The following CACNA2D1 variants were observed in gnomAD, a reference collection of about 807,000 sequenced individuals.
The protein encoded by CACNA2D1 is calcium voltage-gated channel auxiliary subunit alpha2delta 1.
Under a neutral mutation model 171.5 loss-of-function variants are expected in CACNA2D1, and 53 were observed. The ratio of observed to expected loss-of-function variants is 0.31; its 90% CI spans 0.25 to 0.39. The LOEUF (loss-of-function observed/expected upper bound fraction) is 0.39. CACNA2D1 is among the 10% of genes least tolerant of loss of function. The probability of loss-of-function intolerance (pLI) is 1.00; values close to 1 mark genes in which losing one functional copy is unlikely to be tolerated. For synonymous variants in CACNA2D1, 442 were observed against 443.1 expected, an observed-to-expected ratio of 1.00 and a Z score of 0.03; for missense variants, 903 against 1,299.8, an observed-to-expected ratio of 0.69 and a Z score of 4.69.
At chr7:82,204,423 G>C (rs1488016191) in intron 3 of CACNA2D1, among the ~76,000 whole-genome samples, 2 of 152,214 alleles carry the variant, frequency 1.3e-5, no homozygotes, top group Non-Finnish European at 2.9e-5. Flanking sequence ...CAGGTATGCG[G>C]ATGAACGGTA....
intron 4 of CACNA2D1, among the ~76,000 whole-genome samples, chr7:82,162,640 CTT>C (rs1611038): frequency 0.13 from 19,868 of 151,858 alleles, 1,595 homozygotes; most frequent in African/African-American, 0.24. Flanking sequence ...TTTTAAGAGA[CTT>C]TAAGTTTAAA....
chr7:82,353,679 T>C (rs997568975), intron 1 of CACNA2D1, among the ~76,000 whole-genome samples: 1 of 152,002 alleles, frequency 6.6e-6, no homozygotes, highest in East Asian at 1.9e-4. Context: ...GGGAGAAGTT[T>C]CCAAAGAGAA....
At chr7:82,376,203 A>G (rs1823000186) in intron 1 of CACNA2D1, among the ~76,000 whole-genome samples, 1 of 152,182 alleles carries the variant, frequency 6.6e-6, no homozygotes, top group Admixed American at 6.5e-5. Context: ...CTTTTAATGG[A>G]TATTTATCCG....
At position 82,060,202 on chromosome 7, in the gene CACNA2D1, TA is replaced by T. The variant is rs1806602055; in HGVS notation, c.879+225del. ...TAATATATATATATTATATATATAT[TA>T]TATATATAATATATATATAATATAT... On this transcript the variant is annotated intron_variant, in intron 10 of 38. Transcript: ENST00000356860. 5.1e-4 allele frequency among the ~76,000 whole-genome samples: 5 copies of T among 9,878 alleles called. 2 individuals carry two copies. The South Asian group carries it at 0.029, about 56-fold the overall frequency. 6.5% of individuals were successfully genotyped at this position (9,878 alleles called of 152,430 possible).
rs1792069102 is a variant in CACNA2D1 at position 81,946,597 on chromosome 7, G to C, written c.*3795C>G. 6.6e-6 allele frequency: 1 copy of C among 152,026 alleles called. No homozygotes were observed. The highest frequency in any genetic ancestry group is 2.1e-4 in the South Asian group (1 of 4,828). 9.4% of individuals were successfully genotyped at this position (152,026 alleles called of 1,614,324 possible). On this transcript the variant is annotated 3_prime_UTR_variant, in exon 39 of 39. Transcript: ENST00000356860. ...TAGGTAATTTTCACAAAAGTGTCAA[G>C]AGAACAAAATAAAGGGGAGAAAAGA... is the stretch of plus-strand genomic sequence containing the variant.
At chr7:82,293,281 T>C (rs2129418017) in intron 3 of CACNA2D1, among the ~76,000 whole-genome samples, 1 of 152,328 alleles carries the variant, frequency 6.6e-6, no homozygotes, top group Non-Finnish European at 1.5e-5. Flanking sequence ...CTCTGTTTTT[T>C]GCTTTTGTCT....
intron 38 of CACNA2D1, among the ~76,000 whole-genome samples, chr7:81,952,651 G>C (rs894463475): frequency 6.6e-6 from 1 of 151,858 alleles, no homozygotes; most frequent in Non-Finnish European, 1.5e-5. Flanking sequence ...TCTCTCCTTG[G>C]CTTGACCTCC....
intron 1 of CACNA2D1, among the ~76,000 whole-genome samples, chr7:82,379,109 G>T (rs1445811107): frequency 6.6e-6 from 1 of 152,090 alleles, no homozygotes; most frequent in Non-Finnish European, 1.5e-5. Flanking sequence ...TGAGAGAGGG[G>T]ACTGGGAGAA....
chr7:82,391,907 T>C (rs1464868733), intron 1 of CACNA2D1, among the ~76,000 whole-genome samples: 1 of 152,212 alleles, frequency 6.6e-6, no homozygotes, highest in Non-Finnish European at 1.5e-5. Context: ...TGACATAAAC[T>C]TTCCTATTTC....
rs893241120 is a variant in CACNA2D1 at position 82,291,672 on chromosome 7, T to A, written c.294+43463A>T. Reference sequence around the variant, plus strand: ...GTGCATATATATATATTTTTTTTTCTTTTTTTTCTTTTTGTAGAGACGTGG... The same window carrying A: ...GTGCATATATATATATTTTTTTTTCATTTTTTTCTTTTTGTAGAGACGTGG... On this transcript the variant is annotated intron_variant, in intron 3 of 38. Coordinates refer to ENST00000356860, the MANE Select transcript of CACNA2D1 (RefSeq NM_000722.4). 2.9e-3 allele frequency among the ~76,000 whole-genome samples: 418 copies of A among 146,416 alleles called. 4 individuals are homozygous for A. The East Asian group carries it at 0.04, about 14-fold the overall frequency.
chr7:82,183,774 G>T (rs1797381958), intron 3 of CACNA2D1, among the ~76,000 whole-genome samples: 2 of 151,726 alleles, frequency 1.3e-5, no homozygotes, highest in South Asian at 4.1e-4. Flanking sequence ...AAATAGGTAT[G>T]TATGACTGTG....
At chr7:82,033,254 G>A (rs1802928967) in intron 11 of CACNA2D1, among the ~76,000 whole-genome samples, 1 of 151,540 alleles carries the variant, frequency 6.6e-6, no homozygotes, top group South Asian at 2.1e-4. Flanking sequence ...TTATTTTCTT[G>A]TTTGTTTATT....
chr7:82,385,278 G>T (rs1465875033), intron 1 of CACNA2D1, among the ~76,000 whole-genome samples: 1 of 152,208 alleles, frequency 6.6e-6, no homozygotes, highest in East Asian at 1.9e-4. Flanking sequence ...AATTGAAATG[G>T]ATCATAACTT....
At chr7:82,333,969 A>G (rs1425163975) in intron 3 of CACNA2D1, among the ~76,000 whole-genome samples, 1 of 152,192 alleles carries the variant, frequency 6.6e-6, no homozygotes, top group Non-Finnish European at 1.5e-5. Flanking sequence ...TGACTTTGCA[A>G]TAAAATTAAG....
Position 81,961,898 on chromosome 7 carries a change from AAC to A in CACNA2D1, c.2960_2961del (p.Cys987PhefsTer20). ...CTCCTGAAATAAATAAATTACCTGGAACAGTTTCCACAGTCTAATACACCACT... is the reference window on the plus strand; with the variant it reads ...CTCCTGAAATAAATAAATTACCTGGAAGTTTCCACAGTCTAATACACCACT... ...SFSGVLDCGN[C>X]SRIFHGEKLM... is the part of the protein sequence containing the mutation. On this transcript the variant is annotated frameshift_variant, in exon 36 of 39. Transcript: ENST00000356860. LOFTEE classifies it high-confidence loss of function. 1 of 1,607,130 alleles carries A rather than the reference AAC, an allele frequency of 6.2e-7. No individual in the cohort carries two copies. Among genetic ancestry groups the A allele is most frequent in the Non-Finnish European group, 8.5e-7 (1 of 1,174,194 alleles).
chr7:82,123,825 T>C (rs1453781090), intron 5 of CACNA2D1, among the ~76,000 whole-genome samples: 1 of 152,204 alleles, frequency 6.6e-6, no homozygotes, highest in African/African-American at 2.4e-5. Flanking sequence ...TAATAGCTAG[T>C]ATATATTATA....
chr7:81,951,295 C>T (rs1792490841), intron 38 of CACNA2D1, among the ~76,000 whole-genome samples: 1 of 152,076 alleles, frequency 6.6e-6, no homozygotes, highest in South Asian at 2.1e-4. Context: ...ACATTGTCCA[C>T]ATCCTTTAAT....
At chr7:82,083,101 C>T (rs770290683) in intron 7 of CACNA2D1, among the ~76,000 whole-genome samples, 22 of 151,804 alleles carry the variant, frequency 1.4e-4, no homozygotes, top group South Asian at 4.2e-4. Context: ...ATTTTCTCTC[C>T]GATACTGGGC....
intron 6 of CACNA2D1, among the ~76,000 whole-genome samples, chr7:82,114,371 C>T (rs571987777): frequency 1.3e-5 from 2 of 152,282 alleles, no homozygotes; most frequent in Non-Finnish European, 2.9e-5. Flanking sequence ...GTGGACAATT[C>T]TGGCTCACAT....
Sources: allele counts gnomAD v4.1 joint callset (sites outside exome capture counted in the v4.1 genomes callset), GRCh38; gene constraint gnomAD v4.1.1; transcripts MANE v1.5; gene names NCBI Gene and HGNC (gene_info 2026-07-23, HGNC 2026-07-21).